GFPT2: variants seen among roughly 807,000 people sequenced by gnomAD.
The protein encoded by GFPT2 is glutamine--fructose-6-phosphate transaminase 2.
A neutral mutation model predicts 85.6 loss-of-function variants in GFPT2; 62 were observed. The ratio of observed to expected loss-of-function variants is 0.72; its 90% CI spans 0.59 to 0.90. The LOEUF (loss-of-function observed/expected upper bound fraction) is 0.90. Ranked by LOEUF, GFPT2 falls within the 40% of genes least tolerant of loss-of-function variation. GFPT2 has a pLI of 0.00. For synonymous variants in GFPT2, 368 were observed against 344.5 expected, an observed-to-expected ratio of 1.07 and a Z score of -0.75; for missense variants, 788 against 893.4, an observed-to-expected ratio of 0.88 and a Z score of 1.50.
At chr5:180,337,346 G>A (rs1415442302) in intron 2 of GFPT2, among the ~76,000 whole-genome samples, 9 of 151,726 alleles carry the variant, frequency 5.9e-5, no homozygotes, top group African/African-American at 1.2e-4. Flanking sequence ...CCAGCTACTC[G>A]GGAGGCTGAG....
At chr5:180,319,928 C>T (rs1206080157) in intron 9 of GFPT2, among the ~76,000 whole-genome samples, 1 of 152,154 alleles carries the variant, frequency 6.6e-6, no homozygotes, top group Non-Finnish European at 1.5e-5. Flanking sequence ...CACACACATA[C>T]ACAAAGGAGC....
chr5:180,310,834 A>AAAC (rs1763867167), intron 15 of GFPT2, among the ~76,000 whole-genome samples: 1 of 40,032 alleles, frequency 2.5e-5, no homozygotes. Context: ...GACACAGGCA[A>AAAC]AAAAAAAAAA....
rs1764019292 is a variant in GFPT2, at chr5:180,316,847, A to G, written c.1069T>C (p.Leu357=). ...CGAATCTCCTTCAAGTGGTCCTTCA[A>G]GCCACCCAGGAGCACTGCAGGGCAC... ...FETNTVLLGG[L]KDHLKEIRRC... is the part of the protein sequence containing the mutation. Residue 357 remains leucine (L), a synonymous_variant, in exon 12 of 19, where the codon TTG becomes CTG. Coordinates refer to ENST00000253778, the MANE Select transcript of GFPT2 (RefSeq NM_005110.4). 1 of 1,613,828 alleles carries G rather than the reference A, an allele frequency of 6.2e-7. No individual in the cohort carries two copies. Among genetic ancestry groups the G allele is most frequent in the African/African-American group, 1.3e-5 (1 of 75,034 alleles).
intron 17 of GFPT2, among the ~76,000 whole-genome samples, chr5:180,303,042 A>G (rs1272466003): frequency 6.7e-6 from 1 of 149,822 alleles, no homozygotes; most frequent in Non-Finnish European, 1.5e-5. Context: ...ATCCTGGCTA[A>G]CATGGTGAAA....
intron 4 of GFPT2, among the ~76,000 whole-genome samples, chr5:180,332,189 GGC>G (rs1346626071): frequency 6.6e-6 from 1 of 151,986 alleles, no homozygotes; most frequent in African/African-American, 2.4e-5. Context: ...AGCTCACGCG[GGC>G]GGCTTCCTGC....
chr5:180,352,559 T>C (rs1280004954), intron 1 of GFPT2: 2 of 448,508 alleles, frequency 4.5e-6, no homozygotes, highest in South Asian at 3.1e-5. Context: ...CCGGACTCCC[T>C]CTCGTGGCTT....
intron 1 of GFPT2, among the ~76,000 whole-genome samples, chr5:180,348,743 T>G (rs577809168): frequency 1.3e-5 from 2 of 151,992 alleles, no homozygotes; most frequent in African/African-American, 4.8e-5. Flanking sequence ...TTTTTTTTTT[T>G]TTTTGTTTTC....
At chr5:180,308,210 G>C (rs1285289676) in intron 15 of GFPT2, among the ~76,000 whole-genome samples, 9 of 151,712 alleles carry the variant, frequency 5.9e-5, no homozygotes, top group African/African-American at 1.5e-4. Context: ...GAGCTGAGAT[G>C]GCACCACGGC....
At chr5:180,325,124 T>C (rs1219049767) in intron 7 of GFPT2, among the ~76,000 whole-genome samples, 1 of 152,152 alleles carries the variant, frequency 6.6e-6, no homozygotes, top group Non-Finnish European at 1.5e-5. Flanking sequence ...TGGTAACCTG[T>C]CTCACTCCCA....
At chr5:180,314,067 G>C in intron 13 of GFPT2, 103 bp from the exon 14 acceptor site, 1 of 1,163,876 alleles carries the variant, frequency 8.6e-7, no homozygotes, top group Non-Finnish European at 1.2e-6. Context: ...ATCGGCGCCC[G>C]AGACACAGCC....
intron 2 of GFPT2, among the ~76,000 whole-genome samples, chr5:180,336,827 G>T (rs1476039470): frequency 6.6e-6 from 1 of 152,250 alleles, no homozygotes; most frequent in East Asian, 1.9e-4. Flanking sequence ...TAGCTAGGGT[G>T]AGCCCCTCGG....
At chr5:180,309,235 C>G (rs1335498894) in intron 15 of GFPT2, among the ~76,000 whole-genome samples, 2 of 152,156 alleles carry the variant, frequency 1.3e-5, no homozygotes, top group African/African-American at 4.8e-5. Context: ...TTTTCTAACA[C>G]TCAAAAGTTT....
Position 180,328,344 on chromosome 5 carries a change from A to G in GFPT2, c.535-6T>C. ...ACCAGCGCGAATGCACCTTCCTGAA[A>G]ACACACAAACAGTGAGGGTCAACGC... On this transcript the variant is annotated splice_polypyrimidine_tract_variant and splice_region_variant and intron_variant, in intron 6 of 18. Transcript: ENST00000253778. This position sits in a 1 kb window ranked among gnomAD's most constrained non-coding sequence, Gnocchi z 5.4. 1 of 1,611,004 alleles carries G rather than the reference A, an allele frequency of 6.2e-7. No individual in the cohort carries two copies. The highest frequency in any genetic ancestry group is 1.3e-5 in the African/African-American group (1 of 74,978).
intron 1 of GFPT2, among the ~76,000 whole-genome samples, chr5:180,348,552 G>A (rs893184332): frequency 1.3e-5 from 2 of 152,202 alleles, no homozygotes; most frequent in African/African-American, 4.8e-5. Context: ...GGGCCTGGCG[G>A]GGGCCCTGAG....
intron 1 of GFPT2, among the ~76,000 whole-genome samples, chr5:180,340,815 C>T (rs532192305): frequency 3.9e-5 from 6 of 152,136 alleles, no homozygotes; most frequent in East Asian, 3.9e-4. Context: ...CGCCTGGCTC[C>T]GCAGTTTTTA....
In GFPT2 at chr5:180,304,826, C is replaced by T. The variant is rs1561870773; in HGVS notation, c.1788G>A (p.Lys596=). 6.2e-7 allele frequency: 1 copy of T among 1,614,130 alleles called. No homozygotes were observed. Among genetic ancestry groups the T allele is most frequent in the African/African-American group, 1.3e-5 (1 of 75,060 alleles). Residue 596 remains lysine, a synonymous_variant, in exon 17 of 19, where the codon AAG becomes AAA. Transcript: ENST00000253778. The part of the protein sequence containing the change: ...KQMPVIMVIM[K]DPCFAKCQNA... ...TCTGGCATTTGGCGAAGCAAGGATC[C>T]TTCATAATGACCATGATGACGGGCA...
chr5:180,350,998 G>A (rs569880827), intron 1 of GFPT2, among the ~76,000 whole-genome samples: 3 of 152,238 alleles, frequency 2.0e-5, no homozygotes, highest in Non-Finnish European at 2.9e-5. Context: ...CTTCCCCAGC[G>A]TAAAGTGAAG....
Position 180,316,366 on chromosome 5 carries a change from G to A in GFPT2, c.1248C>T (p.Asp416=), listed in dbSNP as rs747012267. 38 of 1,613,924 alleles carry A rather than the reference G, an allele frequency of 2.4e-5. No homozygotes were observed. Among genetic ancestry groups the A allele is most frequent in the Non-Finnish European group, 2.6e-5 (31 of 1,179,926 alleles). Reference sequence around the variant, plus strand: ...CTGACTGGCTGATGAAAAAGCAAACGTCATCCCTGAACACAGGTGTGTTCC... The same window carrying A: ...CTGACTGGCTGATGAAAAAGCAAACATCATCCCTGAACACAGGTGTGTTCC... The part of the protein sequence containing the change: ...LDRNTPVFRD[D]VCFFISQSGE... Residue 416 remains aspartate (D), a synonymous_variant, in exon 13 of 19, where the codon GAC becomes GAT. Coordinates refer to ENST00000253778, the MANE Select transcript of GFPT2 (RefSeq NM_005110.4).
intron 4 of GFPT2, among the ~76,000 whole-genome samples, chr5:180,334,644 G>A (rs552606335): frequency 1.3e-5 from 2 of 152,320 alleles, no homozygotes; most frequent in Admixed American, 6.5e-5. Flanking sequence ...TTGGGTTGGG[G>A]GGTCCAGTTG....
Sources: allele counts gnomAD v4.1 joint callset (sites outside exome capture counted in the v4.1 genomes callset), GRCh38; gene constraint gnomAD v4.1.1; non-coding constraint Gnocchi (gnomAD v3.1); transcripts MANE v1.5; gene names NCBI Gene and HGNC (gene_info 2026-07-23, HGNC 2026-07-21).